ULK4: variants seen among roughly 807,000 people sequenced by gnomAD.
ULK4 encodes the protein unc-51 like kinase 4.
ULK4 carries 133 observed loss-of-function variants against 160.6 expected under a neutral mutation model. That is an observed-to-expected ratio of 0.83 (90% CI 0.72 to 0.96). The LOEUF is 0.96. ULK4 is among the 40% of genes least tolerant of loss of function. ULK4 has a pLI of 0.00. For missense variants in ULK4, 1,580 were observed against 1,499.5 expected, an observed-to-expected ratio of 1.05 and a Z score of -0.89; for synonymous variants, 534 against 539.8, an observed-to-expected ratio of 0.99 and a Z score of 0.15.
At chr3:41,592,701 T>C (rs1031240025) in intron 31 of ULK4, among the ~76,000 whole-genome samples, 3 of 152,294 alleles carry the variant, frequency 2.0e-5, no homozygotes, top group African/African-American at 7.2e-5. Context: ...AACAGAAACA[T>C]TGAGAATTAA....
chr3:41,254,061 ACTC>A (rs1228526808), intron 35 of ULK4, among the ~76,000 whole-genome samples: 4 of 152,310 alleles, frequency 2.6e-5, no homozygotes, highest in African/African-American at 9.6e-5. Flanking sequence ...AGATTTCAAA[ACTC>A]CTCTCATGAT....
chr3:41,617,954 AG>A (rs2033057660), intron 30 of ULK4, among the ~76,000 whole-genome samples: 1 of 152,208 alleles, frequency 6.6e-6, no homozygotes, highest in Non-Finnish European at 1.5e-5. Context: ...TGAAAAACAT[AG>A]CACGAGAACT....
At chr3:41,678,745 C>G (rs1344781592) in intron 29 of ULK4, among the ~76,000 whole-genome samples, 1 of 152,186 alleles carries the variant, frequency 6.6e-6, no homozygotes, top group Non-Finnish European at 1.5e-5. Flanking sequence ...AAGGCTGTCA[C>G]CTTGGCTGCA....
At chr3:41,420,498 T>TTTTTTTTTTTTTTTTTTTTTA in intron 34 of ULK4, among the ~76,000 whole-genome samples, 1 of 138,242 alleles carries the variant, frequency 7.2e-6, no homozygotes, top group African/African-American at 2.8e-5. Flanking sequence ...TTTTTTTTTT[T>TTTTTTTTTTTTTTTTTTTTTA]TTGAGATGGA....
At chr3:41,678,211 C>CACAG (rs1473013055) in intron 29 of ULK4, among the ~76,000 whole-genome samples, 1 of 151,400 alleles carries the variant, frequency 6.6e-6, no homozygotes, top group African/African-American at 2.4e-5. Flanking sequence ...CACACACACA[C>CACAG]ACACACACAC....
At chr3:41,678,876 A>T (rs921604761) in intron 29 of ULK4, among the ~76,000 whole-genome samples, 6 of 152,168 alleles carry the variant, frequency 3.9e-5, no homozygotes, top group Non-Finnish European at 8.8e-5. Flanking sequence ...GGACTCTAGA[A>T]ACTTAATTCA....
At position 41,306,133 on chromosome 3, in the gene ULK4, G is replaced by C. The variant is rs1416747214; in HGVS notation, c.3679-56559C>G. ...CACCCCGTCCGGGAGGGAGGTGGGG[G>C]GGGGGGGTCAGCCCCCCGCCAGGCC... is the stretch of plus-strand genomic sequence containing the variant. On this transcript the variant is annotated intron_variant, in intron 35 of 36. Transcript: ENST00000301831. Among the ~76,000 whole-genome samples the C allele has an allele frequency of 4.4e-4, 49 of 111,810 alleles. No individual in the cohort carries two copies. In the East Asian group the frequency reaches 8.8e-3, roughly 20 times the overall value. The allele number at this position is 111,810 out of a possible 152,430, so 73.4% of individuals were successfully genotyped here.
intron 35 of ULK4, among the ~76,000 whole-genome samples, chr3:41,339,241 C>T (rs1330256324): frequency 6.6e-6 from 1 of 152,094 alleles, no homozygotes; most frequent in African/African-American, 2.4e-5. Context: ...TGTCCAGGGG[C>T]CTGCACCAGC....
intron 17 of ULK4, among the ~76,000 whole-genome samples, chr3:41,868,817 A>G (rs974126221): frequency 6.6e-5 from 10 of 151,848 alleles, no homozygotes; most frequent in African/African-American, 2.4e-4. Flanking sequence ...TTCCCCCCCA[A>G]TATGACAATC....
chr3:41,642,868 T>C lies in ULK4; in HGVS notation c.3071+20739A>G, dbSNP rs564089730. Among the ~76,000 whole-genome samples the C allele has an allele frequency of 6.6e-5, 10 of 152,336 alleles. No individual in the cohort carries two copies. The South Asian group carries it at 2.1e-3, about 32-fold the overall frequency. On this transcript the variant is annotated intron_variant, in intron 30 of 36. Coordinates refer to ENST00000301831, the MANE Select transcript of ULK4 (RefSeq NM_017886.4). Reference sequence around the variant, plus strand: ...CAGCACCTGTTGTTTTCCTCACTTTTTAATGATCGCCATTCTAACTGGTGT... The same window carrying C: ...CAGCACCTGTTGTTTTCCTCACTTTCTAATGATCGCCATTCTAACTGGTGT...
chr3:41,444,264 C>T (rs1412032520), intron 34 of ULK4, among the ~76,000 whole-genome samples: 1 of 151,844 alleles, frequency 6.6e-6, no homozygotes, highest in African/African-American at 2.4e-5. Flanking sequence ...GTGAAATTAA[C>T]ATTGGGCATT....
chr3:41,320,034 TA>T (rs1354580982), intron 35 of ULK4, among the ~76,000 whole-genome samples: 6 of 152,380 alleles, frequency 3.9e-5, no homozygotes, highest in African/African-American at 1.4e-4. Flanking sequence ...TTTAAGGATT[TA>T]AACGATAATA....
intron 21 of ULK4, among the ~76,000 whole-genome samples, chr3:41,759,848 A>T (rs1224937708): frequency 6.6e-6 from 1 of 152,172 alleles, no homozygotes; most frequent in Non-Finnish European, 1.5e-5. Context: ...GCAACATTGG[A>T]AAAAGGATAA....
At chr3:41,782,873 G>T (rs1053162709) in intron 21 of ULK4, among the ~76,000 whole-genome samples, 1 of 152,150 alleles carries the variant, frequency 6.6e-6, no homozygotes, top group Admixed American at 6.5e-5. Flanking sequence ...CTGTAGGAAT[G>T]AATTGCAATA....
chr3:41,687,944 A>C (rs1000172654), intron 27 of ULK4: 1 of 152,164 alleles, frequency 6.6e-6, no homozygotes, highest in Non-Finnish European at 1.5e-5. Context: ...GAATGGGTGG[A>C]CTCTCAACCC....
chr3:41,585,247 C>T (rs985964617), intron 31 of ULK4, among the ~76,000 whole-genome samples: 2 of 152,162 alleles, frequency 1.3e-5, no homozygotes, highest in African/African-American at 4.8e-5. Context: ...TCCAAGTTTT[C>T]TCACACTCAC....
intron 30 of ULK4, among the ~76,000 whole-genome samples, chr3:41,648,632 T>A (rs1292320978): frequency 6.6e-6 from 1 of 152,182 alleles, no homozygotes; most frequent in Non-Finnish European, 1.5e-5. Context: ...CTTTTAAGCA[T>A]CTCAAAGCCA....
chr3:41,929,650 C>A (rs1699517182), intron 5 of ULK4, among the ~76,000 whole-genome samples: 1 of 152,184 alleles, frequency 6.6e-6, no homozygotes. Context: ...TCTCAGGATA[C>A]AACATCAATG....
chr3:41,437,716 C>T (rs377131511), intron 34 of ULK4, among the ~76,000 whole-genome samples: 3 of 152,210 alleles, frequency 2.0e-5, no homozygotes, highest in Admixed American at 6.5e-5. Context: ...TCATCACTGA[C>T]TTGCCAGAAA....
Sources: gnomAD v4.1 joint callset for allele counts (sites outside exome capture counted in the v4.1 genomes callset) on GRCh38, gnomAD v4.1.1 for gene constraint, MANE v1.5 for transcripts, NCBI Gene and HGNC (gene_info 2026-07-23, HGNC 2026-07-21) for gene names.